SUCO: variants seen among roughly 807,000 people sequenced by gnomAD.
SUCO encodes the protein SUN domain-containing ossification factor.
A neutral mutation model predicts 148.1 loss-of-function variants in SUCO; 57 were observed. The observed-to-expected ratio is 0.38, with a 90% CI of 0.31 to 0.48. The LOEUF (loss-of-function observed/expected upper bound fraction) is 0.48, where lower values mean the gene tolerates loss of function less well. Ranked by LOEUF, SUCO falls within the 20% of genes least tolerant of loss-of-function variation. The pLI, the probability that SUCO is intolerant of heterozygous loss-of-function variation, is 0.96. For synonymous variants in SUCO, 470 were observed against 502.7 expected (o/e 0.93, Z 0.87); for missense variants, 1,331 against 1,468.2 (o/e 0.91, Z 1.53).
intron 20 of SUCO, among the ~76,000 whole-genome samples, chr1:172,601,529 C>G (rs1657529892): frequency 6.6e-6 from 1 of 151,566 alleles, no homozygotes. Context: ...TTGCAGTAGC[C>G]TGAATGAGGT....
chr1:172,540,731 A>G (rs916925480), intron 1 of SUCO, among the ~76,000 whole-genome samples: 15 of 152,290 alleles, frequency 9.8e-5, no homozygotes, highest in Admixed American at 2.6e-4. Context: ...AACATGAATA[A>G]TGGCTATTTC....
chr1:172,570,359 C>T (rs1463080099), intron 8 of SUCO, 188 bp downstream of exon 8: 3 of 484,618 alleles, frequency 6.2e-6, no homozygotes, highest in East Asian at 3.5e-5. Context: ...TGTATTTTGC[C>T]CTGCATTTTT....
At position 172,533,207 on chromosome 1, in the gene SUCO, G is replaced by T; in HGVS notation, c.-229G>T. ...CGTGGACGAGCCGGTGGCTGCAGCG[G>T]CGGCGGTCCCCGGAGTCCTGTGAAG... On this transcript the variant is annotated 5_prime_UTR_variant, in exon 1 of 24. Transcript: ENST00000263688. 1 of 1,519,076 alleles carries T rather than the reference G, an allele frequency of 6.6e-7. No homozygotes were observed. The highest frequency in any genetic ancestry group is 8.8e-7 in the Non-Finnish European group (1 of 1,133,308). The allele number at this position is 1,519,076 out of a possible 1,614,324, so 94.1% of individuals were successfully genotyped here.
intron 9 of SUCO, among the ~76,000 whole-genome samples, chr1:172,572,745 A>G (rs940757510): frequency 2.0e-5 from 3 of 151,300 alleles, no homozygotes; most frequent in Non-Finnish European, 4.4e-5. Context: ...GGGCAGTGCT[A>G]AAAAGGAGTA....
At chr1:172,604,068 C>T (rs1289397114) in intron 22 of SUCO, among the ~76,000 whole-genome samples, 1 of 151,810 alleles carries the variant, frequency 6.6e-6, no homozygotes, top group Non-Finnish European at 1.5e-5. Context: ...TATGAATTTG[C>T]CCTTCTATCA....
intron 15 of SUCO, 150 bp downstream of exon 15, chr1:172,579,417 A>ACCC (rs1655706129): frequency 1.9e-6 from 1 of 532,560 alleles, no homozygotes; most frequent in East Asian, 3.2e-5. Context: ...GTATTTTTAT[A>ACCC]GAAATGCGAT....
chr1:172,588,473 AG>A, intron 17 of SUCO: 1 of 985,282 alleles, frequency 1.0e-6, no homozygotes, highest in Non-Finnish European at 1.2e-6. Flanking sequence ...GTATTCACTT[AG>A]AAACAATTCT....
intron 6 of SUCO, among the ~76,000 whole-genome samples, chr1:172,567,395 T>C (rs1654629248): frequency 6.6e-6 from 1 of 152,230 alleles, no homozygotes; most frequent in East Asian, 1.9e-4. Context: ...TTGGATGCCC[T>C]TCCTCAGTAT....
intron 1 of SUCO, among the ~76,000 whole-genome samples, chr1:172,545,788 T>C (rs914117089): frequency 5.3e-5 from 8 of 152,246 alleles, no homozygotes. Context: ...TGTGCCAGGC[T>C]AAGCATAGCA....
Position 172,589,326 on chromosome 1 carries a change from A to C in SUCO, c.2225A>C (p.Asn742Thr). The C allele has an allele frequency of 6.2e-7, 1 of 1,613,456 alleles. No individual in the cohort carries two copies. Among genetic ancestry groups the C allele is most frequent in the Non-Finnish European group, 8.5e-7 (1 of 1,179,760 alleles). The change falls in exon 18 of 24, where the codon AAT becomes ACT. Residue 742 changes from asparagine to threonine, a missense_variant. By Grantham distance (65) the Asn-to-Thr change is moderately conservative (BLOSUM62 0). Coordinates refer to ENST00000263688, the MANE Select transcript of SUCO (RefSeq NM_014283.5). ...SLLLDITPEI[N>T]PLPKIEVSES... is the part of the protein sequence containing the mutation. Reference sequence around the variant, plus strand: ...CTTTTAGATATTACCCCAGAAATCAATCCCTTGCCTAAAATAGAAGTATCT... The same window carrying C: ...CTTTTAGATATTACCCCAGAAATCACTCCCTTGCCTAAAATAGAAGTATCT...
At chr1:172,604,957 G>A (rs1454629817) in intron 22 of SUCO, among the ~76,000 whole-genome samples, 2 of 151,744 alleles carry the variant, frequency 1.3e-5, no homozygotes, top group Non-Finnish European at 3.0e-5. Flanking sequence ...CCTCTTGGCT[G>A]TTGTTTGAGT....
At chr1:172,589,989 G>C in intron 18 of SUCO, 63 bp downstream of exon 18, 2 of 1,314,034 alleles carry the variant, frequency 1.5e-6, no homozygotes, top group Non-Finnish European at 1.0e-6. Context: ...CATAGAGTAT[G>C]ACCTGTGATT....
At chr1:172,532,583 A>T (rs376260736), upstream of SUCO, 4 of 1,613,806 alleles carry the variant, frequency 2.5e-6, no homozygotes, top group African/African-American at 5.3e-5. Context: ...CACAACACAC[A>T]CGTCATTCTA....
intron 6 of SUCO, among the ~76,000 whole-genome samples, chr1:172,558,058 T>C (rs1023560304): frequency 4.6e-5 from 7 of 152,164 alleles, no homozygotes; most frequent in African/African-American, 1.7e-4. Flanking sequence ...CACAGCTGTT[T>C]GATAGCAGAT....
intron 7 of SUCO, chr1:172,569,474 T>C (rs1203346852): frequency 4.1e-6 from 4 of 981,682 alleles, no homozygotes; most frequent in Non-Finnish European, 4.8e-6. Context: ...TTGCATAAAA[T>C]CCTTGGGTTT....
chr1:172,540,497 C>T (rs1487476927), intron 1 of SUCO, among the ~76,000 whole-genome samples: 2 of 152,146 alleles, frequency 1.3e-5, no homozygotes, highest in Admixed American at 1.3e-4. Context: ...ATTAGGTGAA[C>T]TCAGTTTATT....
At chr1:172,572,269 C>T (rs1490871572) in intron 9 of SUCO, among the ~76,000 whole-genome samples, 4 of 151,074 alleles carry the variant, frequency 2.6e-5, no homozygotes, top group South Asian at 2.1e-4. Context: ...GGGGGAAGGG[C>T]GGGGAAAGGA....
At chr1:172,534,289 C>G (rs367587794) in intron 1 of SUCO, among the ~76,000 whole-genome samples, 1 of 152,178 alleles carries the variant, frequency 6.6e-6, no homozygotes, top group Non-Finnish European at 1.5e-5. Context: ...GGACTGCTGT[C>G]ACCGTACTTG....
rs1053744808 is a variant in SUCO at position 172,557,510 on chromosome 1, T to C, written c.581+93T>C. ...CTTTGGTGTATGTTAAATTCCACTT[T>C]GATTGAGAGAAAGCTGATCTCTTTG... is the stretch of plus-strand genomic sequence containing the variant. On this transcript the variant is annotated intron_variant, in intron 5 of 23. Transcript: ENST00000263688. The C allele has an allele frequency of 3.9e-5, 60 of 1,533,822 alleles. 1 individual carries two copies. Among genetic ancestry groups the C allele is most frequent in the Middle Eastern group, 3.4e-4 (2 of 5,800 alleles).
Sources: gnomAD v4.1 joint callset for allele counts (sites outside exome capture counted in the v4.1 genomes callset) on GRCh38, gnomAD v4.1.1 for gene constraint, MANE v1.5 for transcripts, NCBI Gene and HGNC (gene_info 2026-07-23, HGNC 2026-07-21) for gene names.